The following SLC39A8 variants were observed in gnomAD, a reference collection of about 807,000 sequenced individuals.
SLC39A8 encodes the protein metal cation symporter ZIP8.
A neutral mutation model predicts 40.4 loss-of-function variants in SLC39A8; 15 were observed. The ratio of observed to expected loss-of-function variants is 0.37; its 90% CI spans 0.25 to 0.57. The LOEUF (loss-of-function observed/expected upper bound fraction) is 0.57, where lower values mean the gene tolerates loss of function less well. SLC39A8 is among the 20% of genes least tolerant of loss of function. SLC39A8 has a pLI of 0.75. For missense variants in SLC39A8, 472 were observed against 558.8 expected, an observed-to-expected ratio of 0.84 and a Z score of 1.57; for synonymous variants, 223 against 221.6, an observed-to-expected ratio of 1.01 and a Z score of -0.06.
At position 102,262,517 on chromosome 4, in the gene SLC39A8, G is replaced by T; in HGVS notation, c.*527C>A. On this transcript the variant is annotated 3_prime_UTR_variant, in exon 9 of 9. Transcript: ENST00000356736. ...TACAAAACAGAACAAAAAGCTGTGA[G>T]AAATCTTTTTTTTCTTTGGCTCCTT... is the stretch of plus-strand genomic sequence containing the variant. 1 of 985,292 alleles carries T rather than the reference G, an allele frequency of 1.0e-6. No homozygotes were observed. The highest frequency in any genetic ancestry group is 1.2e-6 in the Non-Finnish European group (1 of 829,706). 61.0% of individuals were successfully genotyped at this position (985,292 alleles called of 1,614,324 possible).
At chr4:102,299,855 C>T (rs1235479465) in intron 6 of SLC39A8, among the ~76,000 whole-genome samples, 1 of 151,982 alleles carries the variant, frequency 6.6e-6, no homozygotes, top group Non-Finnish European at 1.5e-5. Flanking sequence ...ACACCCTCCC[C>T]AAAGTACCAA....
At chr4:102,301,476 A>G (rs1195146928) in intron 6 of SLC39A8, among the ~76,000 whole-genome samples, 3 of 152,058 alleles carry the variant, frequency 2.0e-5, no homozygotes, top group Non-Finnish European at 4.4e-5. Context: ...AAGGTAGGTT[A>G]TTACTATATG....
intron 6 of SLC39A8, chr4:102,269,893 T>A (rs1732268721): frequency 6.6e-6 from 1 of 152,220 alleles, no homozygotes; most frequent in Admixed American, 6.5e-5. Context: ...GTGGGCTTTT[T>A]ATTTTATAGC....
At chr4:102,332,173 A>C (rs1477927298) in intron 2 of SLC39A8, among the ~76,000 whole-genome samples, 1 of 152,210 alleles carries the variant, frequency 6.6e-6, no homozygotes, top group African/African-American at 2.4e-5. Flanking sequence ...AATGGGATCT[A>C]ATTAAACTAA....
At chr4:102,330,630 T>C (rs1010545592) in intron 2 of SLC39A8, among the ~76,000 whole-genome samples, 6 of 152,136 alleles carry the variant, frequency 3.9e-5, no homozygotes, top group African/African-American at 1.4e-4. Flanking sequence ...TCTGATACTA[T>C]CCCAAACAGT....
chr4:102,300,346 T>C (rs1733869047), intron 6 of SLC39A8, among the ~76,000 whole-genome samples: 1 of 152,120 alleles, frequency 6.6e-6, no homozygotes, highest in South Asian at 2.1e-4. Context: ...AACTATGATT[T>C]TTATATGACT....
chr4:102,278,516 T>C (rs1490739946), intron 6 of SLC39A8, among the ~76,000 whole-genome samples: 1 of 152,094 alleles, frequency 6.6e-6, no homozygotes, highest in Non-Finnish European at 1.5e-5. Flanking sequence ...TGTGGAGAAA[T>C]AGGAACACTT....
At chr4:102,305,304 C>T (rs1393094442) in intron 4 of SLC39A8, among the ~76,000 whole-genome samples, 193 bp from the exon 5 acceptor site, 4 of 151,854 alleles carry the variant, frequency 2.6e-5, no homozygotes, top group Non-Finnish European at 5.9e-5. Context: ...TGAGATGGCA[C>T]AAAAACCTTA....
At chr4:102,272,130 G>C (rs1006650846) in intron 6 of SLC39A8, among the ~76,000 whole-genome samples, 2 of 152,002 alleles carry the variant, frequency 1.3e-5, no homozygotes, top group African/African-American at 2.4e-5. Context: ...TTGAGGCCAG[G>C]TGTTCAAGAC....
chr4:102,320,886 C>T (rs1430074536), intron 2 of SLC39A8, among the ~76,000 whole-genome samples: 2 of 151,256 alleles, frequency 1.3e-5, no homozygotes, highest in African/African-American at 4.9e-5. Flanking sequence ...TTTACCACTT[C>T]GACTGCTGTT....
In SLC39A8 at chr4:102,315,728, A is replaced by C; in HGVS notation, c.322T>G (p.Leu108Val). 6.2e-7 allele frequency: 1 copy of C among 1,613,304 alleles called. No individual in the cohort carries two copies. The highest frequency in any genetic ancestry group is 8.5e-7 in the Non-Finnish European group (1 of 1,179,536). The change falls in exon 3 of 9, where the codon TTG becomes GTG. Residue 108 changes from leucine (L) to valine (V), a missense_variant. Transcript: ENST00000356736. ...CGATCCTCACATGGGTGAAAGTTCA[A>C]TTGCTGTAAGACTGCTGGACAGATG... ...SVICPAVLQQ[L>V]NFHPCEDRPK...
intron 3 of SLC39A8, 42 bp downstream of exon 3, chr4:102,315,626 A>G: frequency 1.9e-6 from 3 of 1,558,388 alleles, no homozygotes; most frequent in Non-Finnish European, 1.7e-6. Context: ...ACAATGGTTC[A>G]TAGACTTTTC....
chr4:102,304,909 T>C, intron 5 of SLC39A8, 80 bp downstream of exon 5: 1 of 1,284,998 alleles, frequency 7.8e-7, no homozygotes, highest in Non-Finnish European at 1.1e-6. Context: ...ATTCTAAAAA[T>C]AAAATTTCTG....
rs111980258 is a variant in SLC39A8, at chr4:102,282,820, C to T, written c.841-14741G>A. ...TGGCTCACTGCAATTTCTGCCTCCC[C>T]GGTTCAAGCGATTCTCTTGCCTCAG... On this transcript the variant is annotated intron_variant, in intron 6 of 8. Transcript: ENST00000356736. 6.9e-3 allele frequency among the ~76,000 whole-genome samples: 1,051 copies of T among 152,182 alleles called. 15 individuals are homozygous for T. Among genetic ancestry groups the T allele is most frequent in the African/African-American group, 0.024 (1,000 of 41,542 alleles).
chr4:102,282,875 T>C (rs959383510), intron 6 of SLC39A8, among the ~76,000 whole-genome samples: 19 of 152,058 alleles, frequency 1.2e-4, no homozygotes, highest in Admixed American at 1.2e-3. Flanking sequence ...TACAGGTGCG[T>C]GCCACCATGC....
chr4:102,325,720 T>C (rs1735166983), intron 2 of SLC39A8, among the ~76,000 whole-genome samples: 1 of 152,230 alleles, frequency 6.6e-6, no homozygotes, highest in South Asian at 2.1e-4. Context: ...TTTTTAACAA[T>C]GTACTTGTAT....
intron 3 of SLC39A8, 128 bp from the exon 4 acceptor site, chr4:102,307,733 T>C (rs1734249259): frequency 1.2e-6 from 1 of 853,822 alleles, no homozygotes; most frequent in Non-Finnish European, 1.8e-6. Context: ...AAGAACAAAA[T>C]CTACTCAATG....
chr4:102,309,036 T>G (rs1409069077), intron 3 of SLC39A8, among the ~76,000 whole-genome samples: 2 of 152,144 alleles, frequency 1.3e-5, no homozygotes, highest in East Asian at 3.9e-4. Flanking sequence ...AATCTCATTT[T>G]TCAAAAGCCC....
chr4:102,297,229 G>A (rs575576484), intron 6 of SLC39A8, among the ~76,000 whole-genome samples: 1 of 137,716 alleles, frequency 7.3e-6, no homozygotes, highest in Admixed American at 7.5e-5. Flanking sequence ...GGAAACAATA[G>A]GCAGCGTAGT....
Sources: allele counts gnomAD v4.1 joint callset (sites outside exome capture counted in the v4.1 genomes callset), GRCh38; gene constraint gnomAD v4.1.1; transcripts MANE v1.5; gene names NCBI Gene and HGNC (gene_info 2026-07-23, HGNC 2026-07-21).